CDH20: variants seen among roughly 807,000 people sequenced by gnomAD.
CDH20 encodes the protein cadherin 20, also known as cadherin-20.
In CDH20, 29 loss-of-function variants were observed where a neutral mutation model predicts 74.2. The ratio of observed to expected loss-of-function variants is 0.39; its 90% CI spans 0.29 to 0.53. The LOEUF is 0.53. Ranked by LOEUF, CDH20 falls within the 20% of genes least tolerant of loss-of-function variation. The pLI, the probability that CDH20 is intolerant of heterozygous loss-of-function variation, is 0.69. For missense variants in CDH20, 988 were observed against 1,048.3 expected, an observed-to-expected ratio of 0.94 and a Z score of 0.79; for synonymous variants, 469 against 405.4, an observed-to-expected ratio of 1.16 and a Z score of -1.88.
At chr18:61,404,869 C>A (rs1912277934) in intron 1 of CDH20, 1 of 500,016 alleles carries the variant, frequency 2.0e-6, no homozygotes, top group Non-Finnish European at 3.6e-6. Flanking sequence ...TATTTTTCAC[C>A]AGTCTGTTCT....
intron 1 of CDH20, among the ~76,000 whole-genome samples, chr18:61,419,525 T>G (rs1568132011): frequency 6.6e-6 from 1 of 152,220 alleles, no homozygotes; most frequent in Non-Finnish European, 1.5e-5. Context: ...CCATGCAATT[T>G]TATACCCACT....
At chr18:61,446,889 A>G (rs1909220804) in intron 1 of CDH20, among the ~76,000 whole-genome samples, 1 of 152,228 alleles carries the variant, frequency 6.6e-6, no homozygotes. Flanking sequence ...TTGGTAGCAC[A>G]GCAAACCAAG....
intron 10 of CDH20, among the ~76,000 whole-genome samples, chr18:61,549,123 T>G (rs985112131): frequency 6.6e-6 from 1 of 152,296 alleles, no homozygotes; most frequent in South Asian, 2.1e-4. Flanking sequence ...CAAAAGTATA[T>G]CTACTTTAGA....
At chr18:61,444,898 T>C (rs1421304647) in intron 1 of CDH20, among the ~76,000 whole-genome samples, 1 of 152,180 alleles carries the variant, frequency 6.6e-6, no homozygotes, top group Admixed American at 6.5e-5. Context: ...TTTTTAAATC[T>C]CCTTAGCCTA....
chr18:61,412,035 A>G (rs1167007508), intron 1 of CDH20, among the ~76,000 whole-genome samples: 2 of 152,068 alleles, frequency 1.3e-5, no homozygotes, highest in African/African-American at 4.8e-5. Flanking sequence ...TAAAAAGTGA[A>G]AAAATGAAGA....
chr18:61,355,009 G>A (rs1910450598), intron 1 of CDH20, among the ~76,000 whole-genome samples: 1 of 152,210 alleles, frequency 6.6e-6, no homozygotes, highest in Admixed American at 6.5e-5. Flanking sequence ...ACTGTCCGAG[G>A]CTGACCAGGA....
chr18:61,431,647 T>G (rs1233801053), intron 1 of CDH20, among the ~76,000 whole-genome samples: 2 of 143,856 alleles, frequency 1.4e-5, no homozygotes, highest in Non-Finnish European at 3.0e-5. Flanking sequence ...CCATATATAG[T>G]TCAATAAATG....
At chr18:61,452,188 TCTATGTCCGATTC>T (rs2144339913) in intron 1 of CDH20, among the ~76,000 whole-genome samples, 1 of 152,350 alleles carries the variant, frequency 6.6e-6, no homozygotes, top group East Asian at 1.9e-4. Context: ...ATTGTCTTCA[TCTATGTCCGATTC>T]ATTTCCAGTC....
chr18:61,345,408 G>T (rs928362958), intron 1 of CDH20, among the ~76,000 whole-genome samples: 1 of 152,118 alleles, frequency 6.6e-6, no homozygotes, highest in Non-Finnish European at 1.5e-5. Context: ...TTGAGGAAAG[G>T]CCTGTTTCTT....
At chr18:61,420,540 A>C (rs1190576762) in intron 1 of CDH20, among the ~76,000 whole-genome samples, 1 of 152,154 alleles carries the variant, frequency 6.6e-6, no homozygotes, top group Non-Finnish European at 1.5e-5. Context: ...AAACACTAGA[A>C]TAGGAATTGA....
chr18:61,492,382 C>A (rs983435905), intron 2 of CDH20, among the ~76,000 whole-genome samples: 5 of 152,134 alleles, frequency 3.3e-5, no homozygotes, highest in African/African-American at 1.2e-4. Context: ...CTCCTCATGT[C>A]CACCTGCACC....
rs901099486 is a variant in CDH20 at position 61,353,752 on chromosome 18, C to T, written c.-153+19925C>T. Among the ~76,000 whole-genome samples, 1 of 152,084 alleles carries T rather than the reference C, an allele frequency of 6.6e-6. No homozygotes were observed. Among genetic ancestry groups the T allele is most frequent in the African/African-American group, 2.4e-5 (1 of 41,412 alleles). ...CAGCTACTAACTACACAAGGACGTT[C>T]AGCTTTAAACTTATGTTAATAAAAG... On this transcript the variant is annotated intron_variant, in intron 1 of 11. Coordinates refer to ENST00000262717, the MANE Select transcript of CDH20 (RefSeq NM_031891.4). The surrounding 1 kb of genome is among the most constrained non-coding windows in gnomAD (Gnocchi z 4.6).
intron 1 of CDH20, among the ~76,000 whole-genome samples, chr18:61,479,765 A>G (rs917782903): frequency 1.3e-5 from 2 of 152,008 alleles, no homozygotes; most frequent in Non-Finnish European, 2.9e-5. Flanking sequence ...TCTTTCCTGG[A>G]GCCCTCCCTC....
At chr18:61,537,467 C>A (rs1304114738) in intron 8 of CDH20, among the ~76,000 whole-genome samples, 2 of 152,168 alleles carry the variant, frequency 1.3e-5, no homozygotes, top group Non-Finnish European at 1.5e-5. Context: ...AATTATGGTA[C>A]AACCTATAGT....
Position 61,524,916 on chromosome 18 carries a change from G to A in CDH20, c.1018-3051G>A, listed in dbSNP as rs915311381. Among the ~76,000 whole-genome samples the A allele has an allele frequency of 9.3e-5, 14 of 150,764 alleles. 2 individuals are homozygous for A. The highest frequency in any genetic ancestry group is 7.2e-4 in the Admixed American group (11 of 15,178). The stretch of plus-strand genomic sequence containing the variant: ...AGCCTGGGTAACAGAGTGAGACGCT[G>A]TCTAAAAAAAAAAAACTCCTCATTC... On this transcript the variant is annotated intron_variant, in intron 6 of 11. Coordinates refer to ENST00000262717, the MANE Select transcript of CDH20 (RefSeq NM_031891.4).
intron 9 of CDH20, among the ~76,000 whole-genome samples, chr18:61,544,710 G>A (rs1043696275): frequency 9.2e-5 from 14 of 152,044 alleles, no homozygotes; most frequent in African/African-American, 1.9e-4. Context: ...GTCTGTGCCC[G>A]CTAAGGTCTC....
intron 1 of CDH20, among the ~76,000 whole-genome samples, chr18:61,474,962 C>G (rs1910316332): frequency 6.6e-6 from 1 of 152,130 alleles, no homozygotes; most frequent in African/African-American, 2.4e-5. Flanking sequence ...GGTTGAGGAA[C>G]AGGGAAAGAT....
At chr18:61,526,725 C>T (rs926944348) in intron 6 of CDH20, among the ~76,000 whole-genome samples, 2 of 151,934 alleles carry the variant, frequency 1.3e-5, no homozygotes, top group Non-Finnish European at 2.9e-5. Context: ...AGGAATAAAT[C>T]AAAATAGAGA....
intron 8 of CDH20, 107 bp from the exon 9 acceptor site, chr18:61,538,917 C>T: frequency 7.9e-7 from 1 of 1,268,540 alleles, no homozygotes; most frequent in South Asian, 1.4e-5. Flanking sequence ...CAGGCGTGAG[C>T]CACTGCGCCC....
Sources: allele counts gnomAD v4.1 joint callset (sites outside exome capture counted in the v4.1 genomes callset), GRCh38; gene constraint gnomAD v4.1.1; non-coding constraint Gnocchi (gnomAD v3.1); transcripts MANE v1.5; gene names NCBI Gene and HGNC (gene_info 2026-07-23, HGNC 2026-07-21).